The following STK32B variants were observed in gnomAD, a reference collection of about 807,000 sequenced individuals.
The protein encoded by STK32B is serine/threonine-protein kinase 32B.
A neutral mutation model predicts 52.6 loss-of-function variants in STK32B; 43 were observed. The observed-to-expected ratio is 0.82, with a 90% CI of 0.64 to 1.05. STK32B has a LOEUF of 1.05. STK32B is among the 50% of genes least tolerant of loss of function. The pLI is 0.00. For missense variants in STK32B, 621 were observed against 534.6 expected, an observed-to-expected ratio of 1.16 and a Z score of -1.59; for synonymous variants, 238 against 204.3, an observed-to-expected ratio of 1.17 and a Z score of -1.41.
At chr4:5,427,703 T>C (rs1265317325) in intron 6 of STK32B, among the ~76,000 whole-genome samples, 1 of 152,182 alleles carries the variant, frequency 6.6e-6, no homozygotes, top group Non-Finnish European at 1.5e-5. Flanking sequence ...ATGTGTAATA[T>C]CCCCTTATTA....
chr4:5,477,440 C>T (rs1718328736), intron 11 of STK32B, among the ~76,000 whole-genome samples: 1 of 152,144 alleles, frequency 6.6e-6, no homozygotes, highest in African/African-American at 2.4e-5. Flanking sequence ...GTCTAGAGGT[C>T]CTGATGGGAG....
At chr4:5,021,708 GTGTGTGGTTATTCA>G in the STK32B span, among the ~76,000 whole-genome samples, 1 of 152,206 alleles carries the variant, frequency 6.6e-6, no homozygotes, top group Non-Finnish European at 1.5e-5. Flanking sequence ...CCGCAATACC[GTGTGTGGTTATTCA>G]TGGGACTTCT....
At chr4:5,175,093 C>T (rs185947389) in intron 3 of STK32B, among the ~76,000 whole-genome samples, 36 of 152,300 alleles carry the variant, frequency 2.4e-4, no homozygotes, top group Non-Finnish European at 4.6e-4. Context: ...TTGATTGCAA[C>T]GGTTACTGAG....
At chr4:5,274,548 G>C (rs1727678938) in intron 3 of STK32B, among the ~76,000 whole-genome samples, 1 of 152,110 alleles carries the variant, frequency 6.6e-6, no homozygotes, top group Non-Finnish European at 1.5e-5. Context: ...ACCAATCAGA[G>C]AGCTCACTAA....
Position 5,107,135 on chromosome 4 carries a change from G to A in STK32B, c.53-32770G>A, listed in dbSNP as rs550914762. Among the ~76,000 whole-genome samples the A allele has an allele frequency of 5.9e-5, 9 of 152,212 alleles. No homozygotes were observed. The South Asian group carries it at 1.7e-3, about 28-fold the overall frequency. ...TCCTGTCACATTAGCTCCGGCATTA[G>A]ATTTTCATAGGAGCGCAAACCTATA... On this transcript the variant is annotated intron_variant, in intron 1 of 11. Transcript: ENST00000282908.
rs571168173 is a variant in STK32B, at chr4:5,133,744, G to A, written c.53-6161G>A. ...AGATTCTGAGATGTTAAGTGACTAG[G>A]TTGAAGGCCCATGGCTGGACCAGGG... On this transcript the variant is annotated intron_variant, in intron 1 of 11. Transcript: ENST00000282908. Among the ~76,000 whole-genome samples the A allele has an allele frequency of 2.6e-5, 4 of 152,296 alleles. No homozygotes were observed. In the South Asian group the frequency reaches 8.3e-4, roughly 32 times the overall value.
At chr4:5,098,514 T>C (rs936242324) in intron 1 of STK32B, among the ~76,000 whole-genome samples, 6 of 152,200 alleles carry the variant, frequency 3.9e-5, no homozygotes, top group Non-Finnish European at 7.3e-5. Context: ...TTGAAATAAA[T>C]CTCATGACTG....
At chr4:5,040,467 C>T in the STK32B span, among the ~76,000 whole-genome samples, 1 of 147,216 alleles carries the variant, frequency 6.8e-6, no homozygotes, top group Non-Finnish European at 1.5e-5. Flanking sequence ...GATCTTGGCT[C>T]ACTGCAACCT....
intron 4 of STK32B, among the ~76,000 whole-genome samples, chr4:5,356,770 G>T (rs773023044): frequency 2.6e-4 from 39 of 152,290 alleles, no homozygotes; most frequent in Non-Finnish European, 4.7e-4. Context: ...ACCGAGGCAG[G>T]TGTATCACCT....
At chr4:5,065,075 A>C (rs979497254) in intron 1 of STK32B, among the ~76,000 whole-genome samples, 2 of 151,616 alleles carry the variant, frequency 1.3e-5, no homozygotes, top group Non-Finnish European at 2.9e-5. Flanking sequence ...GAGCAATTGG[A>C]CCTCTTACTT....
At chr4:5,194,001 A>T (rs918012625) in intron 3 of STK32B, among the ~76,000 whole-genome samples, 29 of 152,150 alleles carry the variant, frequency 1.9e-4, no homozygotes, top group African/African-American at 6.5e-4. Context: ...CACATGTTCT[A>T]TCTGAGCATT....
chr4:5,061,534 T>C (rs1742217642), intron 1 of STK32B, among the ~76,000 whole-genome samples: 1 of 152,248 alleles, frequency 6.6e-6, no homozygotes, highest in Non-Finnish European at 1.5e-5. Context: ...AATTGCATGC[T>C]GGGTATTACA....
At chr4:5,119,368 G>A (rs2108809387) in intron 1 of STK32B, among the ~76,000 whole-genome samples, 1 of 152,288 alleles carries the variant, frequency 6.6e-6, no homozygotes, top group Middle Eastern at 3.4e-3. Flanking sequence ...CCACCAACGG[G>A]GCTTTAGAAA....
chr4:5,450,747 T>C (rs1715915574), intron 7 of STK32B, among the ~76,000 whole-genome samples: 1 of 152,204 alleles, frequency 6.6e-6, no homozygotes. Flanking sequence ...TTATGTTAAT[T>C]ACCCAGCTCC....
Position 5,145,501 on chromosome 4 carries a change from C to G in STK32B, c.108+5541C>G, listed in dbSNP as rs559825962. On this transcript the variant is annotated intron_variant, in intron 2 of 11. Transcript: ENST00000282908. ...CCAAAAGTCCCCTCTTGACCCTTTA[C>G]TGTCAAAACCTCTCTCAAAGTCAAC... 9.1e-4 allele frequency among the ~76,000 whole-genome samples: 139 copies of G among 152,294 alleles called. 1 individual carries two copies. Among genetic ancestry groups the G allele is most frequent in the Non-Finnish European group, 1.7e-3 (116 of 68,016 alleles).
At chr4:5,122,833 T>C (rs916980626) in intron 1 of STK32B, among the ~76,000 whole-genome samples, 1 of 152,144 alleles carries the variant, frequency 6.6e-6, no homozygotes, top group Non-Finnish European at 1.5e-5. Context: ...CTGGGTTCCA[T>C]GATACTCTCC....
At chr4:5,441,446 G>A (rs1312935118) in intron 6 of STK32B, among the ~76,000 whole-genome samples, 10 of 150,526 alleles carry the variant, frequency 6.6e-5, no homozygotes, top group Non-Finnish European at 8.9e-5. Context: ...GGGATCAGTG[G>A]TGATATCCCC....
At chr4:5,243,970 A>C (rs1258120469) in intron 3 of STK32B, among the ~76,000 whole-genome samples, 3 of 152,146 alleles carry the variant, frequency 2.0e-5, no homozygotes, top group African/African-American at 7.2e-5. Flanking sequence ...GTGCTGCTGG[A>C]TTCAGTTTGC....
At chr4:5,066,436 G>C (rs764861250) in intron 1 of STK32B, among the ~76,000 whole-genome samples, 1 of 152,120 alleles carries the variant, frequency 6.6e-6, no homozygotes, top group African/African-American at 2.4e-5. Flanking sequence ...CTAGAAAATA[G>C]CTTCAAATCA....
Sources: gnomAD v4.1 joint callset for allele counts (sites outside exome capture counted in the v4.1 genomes callset) on GRCh38, gnomAD v4.1.1 for gene constraint, MANE v1.5 for transcripts, NCBI Gene and HGNC (gene_info 2026-07-23, HGNC 2026-07-21) for gene names.